Variants in GLT1D1 observed in about 807,000 individuals in gnomAD.
The protein encoded by GLT1D1 is glycosyltransferase 1 domain-containing protein 1.
In GLT1D1, 21 loss-of-function variants were observed where a neutral mutation model predicts 28.7. That is an observed-to-expected ratio of 0.73 (90% CI 0.52 to 1.05). GLT1D1 has a LOEUF of 1.05. GLT1D1 is among the 50% of genes least tolerant of loss of function. The pLI, the probability that GLT1D1 is intolerant of heterozygous loss-of-function variation, is 0.00. For missense variants in GLT1D1, 343 were observed against 330.6 expected (o/e 1.04, Z -0.29); for synonymous variants, 147 against 124.8 (o/e 1.18, Z -1.19).
At chr12:128,956,171 A>AAAAAAAAAAAAAAAAAAAGAGAG (rs374597920) in intron 6 of GLT1D1, among the ~76,000 whole-genome samples, 5 of 63,978 alleles carry the variant, frequency 7.8e-5, no homozygotes, top group Non-Finnish European at 1.8e-4. Context: ...AAAAAAAAAA[A>AAAAAAAAAAAAAAAAAAAGAGAG]AGAGAAAGAG....
intron 1 of GLT1D1, among the ~76,000 whole-genome samples, chr12:128,859,649 C>T (rs548886445): frequency 2.0e-5 from 3 of 152,226 alleles, no homozygotes; most frequent in East Asian, 1.9e-4. Context: ...GACAGGGCCA[C>T]GCGACACCTT....
intron 7 of GLT1D1, among the ~76,000 whole-genome samples, chr12:128,964,443 A>ACCT (rs1878260178): frequency 2.0e-5 from 3 of 151,956 alleles, no homozygotes; most frequent in Non-Finnish European, 4.4e-5. Context: ...CAAAGACCTC[A>ACCT]CCTCCTGCCG....
chr12:128,935,252 G>A (rs1457201844), intron 4 of GLT1D1, among the ~76,000 whole-genome samples: 1 of 152,164 alleles, frequency 6.6e-6, no homozygotes, highest in African/African-American at 2.4e-5. Flanking sequence ...AGAGCTTTAT[G>A]AAATAGTAGA....
chr12:128,917,682 A>G (rs1343458427), intron 4 of GLT1D1, among the ~76,000 whole-genome samples: 1 of 152,214 alleles, frequency 6.6e-6, no homozygotes, highest in Non-Finnish European at 1.5e-5. Context: ...AAGACTTGAA[A>G]CAAGAAGACA....
chr12:128,980,881 G>T (rs756377470), intron 7 of GLT1D1, among the ~76,000 whole-genome samples: 1 of 152,206 alleles, frequency 6.6e-6, no homozygotes, highest in African/African-American at 2.4e-5. Flanking sequence ...GTGTCATATC[G>T]CAAAGAGATG....
At chr12:128,962,105 T>C (rs2135524426) in intron 7 of GLT1D1, among the ~76,000 whole-genome samples, 1 of 151,594 alleles carries the variant, frequency 6.6e-6, no homozygotes, top group East Asian at 2.0e-4. Context: ...GCCACTTGTG[T>C]CCTATGGCAG....
At chr12:128,959,922 C>T (rs1220685114) in intron 7 of GLT1D1, among the ~76,000 whole-genome samples, 1 of 152,116 alleles carries the variant, frequency 6.6e-6, no homozygotes, top group African/African-American at 2.4e-5. Flanking sequence ...TATCAGTGAA[C>T]GTCTGAATAG....
intron 7 of GLT1D1, among the ~76,000 whole-genome samples, chr12:128,966,196 GGA>G (rs1249385201): frequency 6.6e-6 from 1 of 152,242 alleles, no homozygotes; most frequent in Non-Finnish European, 1.5e-5. Context: ...TTGGAGAGAA[GGA>G]GACAGCAGAA....
At chr12:128,959,053 G>C (rs1302028736) in intron 7 of GLT1D1, among the ~76,000 whole-genome samples, 2 of 151,368 alleles carry the variant, frequency 1.3e-5, no homozygotes, top group African/African-American at 4.9e-5. Context: ...GCCCAGGCTG[G>C]TCTCGAACTC....
chr12:128,898,475 C>A (rs575568258), intron 3 of GLT1D1, among the ~76,000 whole-genome samples: 1 of 152,142 alleles, frequency 6.6e-6, no homozygotes, highest in East Asian at 1.9e-4. Context: ...CTGTGCCTGG[C>A]CTGAATTCTT....
rs1245164791 is a variant in GLT1D1 at position 128,870,416 on chromosome 12, T to A, written c.69-5498T>A. On this transcript the variant is annotated intron_variant, in intron 1 of 7. Transcript: ENST00000281703. ...CGCACACATAGGCTTCTTCTCTTTG[T>A]GGACCTGCCAAGTGCCCAAAATCTC... 2.6e-5 allele frequency among the ~76,000 whole-genome samples: 4 copies of A among 152,198 alleles called. No homozygotes were observed. In the East Asian group the frequency reaches 7.7e-4, roughly 29 times the overall value.
At chr12:128,958,346 T>C (rs1283852657) in intron 7 of GLT1D1, among the ~76,000 whole-genome samples, 1 of 152,098 alleles carries the variant, frequency 6.6e-6, no homozygotes, top group African/African-American at 2.4e-5. Flanking sequence ...ACTTGCCTCT[T>C]AGAGTTGTGA....
At chr12:128,974,283 G>A (rs10847727) in intron 7 of GLT1D1, among the ~76,000 whole-genome samples, 46,916 of 151,892 alleles carry the variant, frequency 0.31, 8,731 homozygotes, top group Non-Finnish European at 0.43. Flanking sequence ...GGACATCTAC[G>A]GACCCACCCG....
At chr12:128,977,002 C>T (rs7297862) in intron 7 of GLT1D1, among the ~76,000 whole-genome samples, 1,772 of 152,256 alleles carry the variant, frequency 0.012, 22 homozygotes, top group African/African-American at 0.04. Context: ...AAAAATTAGT[C>T]GGGCGTGGTG....
chr12:128,904,623 CTTTTTTT>C (rs59189244), intron 4 of GLT1D1, among the ~76,000 whole-genome samples: 5 of 139,284 alleles, frequency 3.6e-5, no homozygotes, highest in African/African-American at 1.5e-4. Context: ...TGAAAACAGT[CTTTTTTT>C]TTTTTTTTTT....
intron 1 of GLT1D1, chr12:128,864,218 G>A (rs1956459156): frequency 4.7e-6 from 3 of 638,842 alleles, no homozygotes; most frequent in East Asian, 5.8e-5. Flanking sequence ...CAACCCACGG[G>A]CACTCCGAGA....
intron 1 of GLT1D1, among the ~76,000 whole-genome samples, chr12:128,856,906 C>T (rs1464334897): frequency 6.6e-6 from 1 of 152,028 alleles, no homozygotes; most frequent in East Asian, 1.9e-4. Context: ...GCGGAGGTTG[C>T]ATGAGCCAAG....
Position 128,984,372 on chromosome 12 carries a change from A to C in GLT1D1, c.*1282A>C, listed in dbSNP as rs1376866548. On this transcript the variant is annotated 3_prime_UTR_variant, in exon 8 of 8. Coordinates refer to ENST00000281703, the MANE Select transcript of GLT1D1 (RefSeq NM_144669.3). ...GCACAACCTACATCTTGTTTTTAAA[A>C]GAAGTAGCCTCAAATTAAACTCCTT... The C allele has an allele frequency of 6.6e-6, 1 of 152,054 alleles. No individual in the cohort carries two copies. Among genetic ancestry groups the C allele is most frequent in the African/African-American group, 2.4e-5 (1 of 41,390 alleles). The allele number at this position is 152,054 out of a possible 1,614,324, so 9.4% of individuals were successfully genotyped here.
chr12:128,902,686 TATTGCAACAAATTA>T (rs1292979993), intron 4 of GLT1D1, among the ~76,000 whole-genome samples: 1 of 151,308 alleles, frequency 6.6e-6, no homozygotes, highest in African/African-American at 2.5e-5. Flanking sequence ...CAAAACAACA[TATTGCAACAAATTA>T]AATGAAACAG....
Sources: gnomAD v4.1 joint callset for allele counts (sites outside exome capture counted in the v4.1 genomes callset) on GRCh38, gnomAD v4.1.1 for gene constraint, MANE v1.5 for transcripts, NCBI Gene and HGNC (gene_info 2026-07-23, HGNC 2026-07-21) for gene names.